The following ADORA2B variants were observed in gnomAD, a reference collection of about 807,000 sequenced individuals.
ADORA2B encodes the protein adenosine A2b receptor.
ADORA2B carries 18 observed loss-of-function variants against 20.8 expected under a neutral mutation model. The observed-to-expected ratio is 0.87, with a 90% CI of 0.60 to 1.29. The LOEUF (loss-of-function observed/expected upper bound fraction) is 1.29. Ranked by LOEUF, ADORA2B falls within the 50% of genes most tolerant of loss-of-function variation. ADORA2B has a pLI of 0.00. For synonymous variants in ADORA2B, 179 were observed against 178.3 expected (o/e 1.00, Z -0.03); for missense variants, 441 against 422.7 (o/e 1.04, Z -0.38).
At chr17:15,853,749 A>G in the ADORA2B span, among the ~76,000 whole-genome samples, 2 of 152,236 alleles carry the variant, frequency 1.3e-5, no homozygotes, top group African/African-American at 4.8e-5. Context: ...AATCTTATAT[A>G]TATTCATACA....
chr17:15,962,199 A>G (rs902640035), intron 1 of ADORA2B, among the ~76,000 whole-genome samples: 2 of 152,128 alleles, frequency 1.3e-5, no homozygotes, highest in Non-Finnish European at 2.9e-5. Context: ...GCTACTCGGA[A>G]GGCTGAGGCA....
the ADORA2B span, among the ~76,000 whole-genome samples, chr17:15,857,609 T>C: frequency 6.6e-6 from 1 of 152,182 alleles, no homozygotes; most frequent in African/African-American, 2.4e-5. Flanking sequence ...TGTGACCTGA[T>C]GTGAGACATG....
the ADORA2B span, among the ~76,000 whole-genome samples, chr17:15,902,680 T>G: frequency 6.6e-5 from 10 of 152,176 alleles, no homozygotes; most frequent in Non-Finnish European, 1.2e-4. Context: ...GGATACTTAC[T>G]CCATGCTAAT....
chr17:15,925,709 A>G, the ADORA2B span, among the ~76,000 whole-genome samples: 2 of 152,128 alleles, frequency 1.3e-5, no homozygotes, highest in Non-Finnish European at 2.9e-5. Context: ...TCAAAAGTGT[A>G]AAAACCAGAC....
chr17:15,974,519 T>C (rs1227185171), intron 1 of ADORA2B, 160 bp from the exon 2 acceptor site: 2 of 610,328 alleles, frequency 3.3e-6, no homozygotes, highest in Admixed American at 3.1e-5. Flanking sequence ...TGCTCATCCC[T>C]GCTTGCATGT....
the ADORA2B span, among the ~76,000 whole-genome samples, chr17:15,863,545 G>A: frequency 1.3e-5 from 2 of 151,966 alleles, no homozygotes; most frequent in African/African-American, 4.8e-5. Flanking sequence ...TCAGAGTTGA[G>A]GTCTCACTAT....
At chr17:15,952,125 A>G (rs907808753) in intron 1 of ADORA2B, among the ~76,000 whole-genome samples, 1 of 151,996 alleles carries the variant, frequency 6.6e-6, no homozygotes. Flanking sequence ...TTTTCCCACT[A>G]CAGATCACCT....
upstream of ADORA2B, among the ~76,000 whole-genome samples, chr17:15,944,224 C>T (rs973979669): frequency 2.6e-5 from 4 of 152,060 alleles, no homozygotes; most frequent in South Asian, 2.1e-4. This position sits in a 1 kb window ranked among gnomAD's most constrained non-coding sequence, Gnocchi z 4.8. Context: ...TAGAGATGAG[C>T]TTGGTTTTGG....
chr17:15,863,719 A>G, the ADORA2B span, among the ~76,000 whole-genome samples: 3 of 152,176 alleles, frequency 2.0e-5, no homozygotes, highest in South Asian at 4.1e-4. Context: ...ATGCTTTTGT[A>G]TAGATACCCT....
At chr17:15,969,734 G>A (rs776342567) in intron 1 of ADORA2B, among the ~76,000 whole-genome samples, 2 of 152,198 alleles carry the variant, frequency 1.3e-5, no homozygotes, top group Non-Finnish European at 2.9e-5. Context: ...GGCCCAAGCC[G>A]ACGTTGTCTC....
intron 1 of ADORA2B, among the ~76,000 whole-genome samples, chr17:15,956,032 G>C (rs1048281653): frequency 1.3e-5 from 2 of 152,156 alleles, no homozygotes; most frequent in Non-Finnish European, 2.9e-5. Flanking sequence ...TTAATAGGCA[G>C]ATGGGGACGT....
At chr17:15,969,661 G>T (rs8079763) in intron 1 of ADORA2B, among the ~76,000 whole-genome samples, 15,365 of 152,174 alleles carry the variant, frequency 0.1, 1,342 homozygotes, top group African/African-American at 0.23. Flanking sequence ...CTGTTGATCT[G>T]CAAGACCTGT....
the ADORA2B span, among the ~76,000 whole-genome samples, chr17:15,910,356 G>C: frequency 6.6e-6 from 1 of 151,858 alleles, no homozygotes; most frequent in Non-Finnish European, 1.5e-5. Context: ...GGAGTGCAGT[G>C]GCGTGATCTC....
chr17:15,969,634 T>C (rs545912265), intron 1 of ADORA2B, among the ~76,000 whole-genome samples: 8 of 152,200 alleles, frequency 5.3e-5, no homozygotes, highest in Non-Finnish European at 1.2e-4. Context: ...CATCCTCCAG[T>C]CTTCATCTTC....
At chr17:15,964,896 CT>C (rs1382619761) in intron 1 of ADORA2B, among the ~76,000 whole-genome samples, 5 of 151,930 alleles carry the variant, frequency 3.3e-5, no homozygotes, top group Non-Finnish European at 7.4e-5. Context: ...CCCGTCTCTA[CT>C]AAAAATACAA....
At chr17:15,932,714 C>CATTAA in the ADORA2B span, among the ~76,000 whole-genome samples, 5 of 152,210 alleles carry the variant, frequency 3.3e-5, no homozygotes, top group Admixed American at 6.5e-5. Flanking sequence ...TTCTTTCTCC[C>CATTAA]ATTAAATTGT....
At chr17:15,857,002 A>T in the ADORA2B span, among the ~76,000 whole-genome samples, 1 of 152,224 alleles carries the variant, frequency 6.6e-6, no homozygotes, top group South Asian at 2.1e-4. Context: ...AGCCTGTCCC[A>T]TCACAGGCCC....
At chr17:15,906,026 T>C in the ADORA2B span, among the ~76,000 whole-genome samples, 1 of 152,256 alleles carries the variant, frequency 6.6e-6, no homozygotes, top group Admixed American at 6.5e-5. Context: ...TTTGGGGTTT[T>C]CTACATAGAC....
chr17:15,904,364 C>T, the ADORA2B span, among the ~76,000 whole-genome samples: 65,400 of 148,380 alleles, frequency 0.44, 15,767 homozygotes, highest in African/African-American at 0.65. Context: ...TTCACCTGTA[C>T]TTTTTCCTAG....
Sources: allele counts gnomAD v4.1 joint callset (sites outside exome capture counted in the v4.1 genomes callset), GRCh38; gene constraint gnomAD v4.1.1; non-coding constraint Gnocchi (gnomAD v3.1); transcripts MANE v1.5; gene names NCBI Gene and HGNC (gene_info 2026-07-23, HGNC 2026-07-21).